The following KIF13B variants were observed in gnomAD, a reference collection of about 807,000 sequenced individuals.
KIF13B encodes the protein kinesin-like protein KIF13B.
In KIF13B, 127 loss-of-function variants were observed where a neutral mutation model predicts 222.0. The ratio of observed to expected loss-of-function variants is 0.57; its 90% CI spans 0.50 to 0.66. The LOEUF is 0.66. Ranked by LOEUF, KIF13B falls within the 30% of genes least tolerant of loss-of-function variation. KIF13B has a pLI of 0.00. For missense variants in KIF13B, 2,173 were observed against 2,379.0 expected (o/e 0.91, Z 1.80); for synonymous variants, 976 against 919.0 (o/e 1.06, Z -1.12).
At chr8:29,118,577 C>T (rs191313999) in intron 30 of KIF13B, among the ~76,000 whole-genome samples, 154 of 152,266 alleles carry the variant, frequency 1.0e-3, no homozygotes, top group African/African-American at 3.6e-3. Flanking sequence ...GCAGCCCCTG[C>T]TTCCATCTCT....
chr8:29,238,149 C>T (rs1412627475), intron 2 of KIF13B, among the ~76,000 whole-genome samples: 1 of 152,154 alleles, frequency 6.6e-6, no homozygotes, highest in Non-Finnish European at 1.5e-5. Flanking sequence ...CAATTAAAAT[C>T]GCTATTTAAA....
intron 2 of KIF13B, among the ~76,000 whole-genome samples, chr8:29,224,620 G>A (rs1159853470): frequency 6.6e-6 from 1 of 152,046 alleles, no homozygotes; most frequent in Admixed American, 6.5e-5. Flanking sequence ...GTAAGTTACT[G>A]AGAAATAAAA....
intron 1 of KIF13B, among the ~76,000 whole-genome samples, chr8:29,258,919 T>A (rs1033821830): frequency 6.6e-6 from 1 of 152,212 alleles, no homozygotes; most frequent in Non-Finnish European, 1.5e-5. Flanking sequence ...TAAAGCATGC[T>A]TTAAGAAACT....
intron 1 of KIF13B, among the ~76,000 whole-genome samples, chr8:29,257,180 T>C (rs537622672): frequency 7.9e-5 from 12 of 152,346 alleles, no homozygotes; most frequent in South Asian, 4.1e-4. Flanking sequence ...TCAACACTGT[T>C]GAAATGAATG....
At chr8:29,224,836 T>C (rs1814947735) in intron 2 of KIF13B, among the ~76,000 whole-genome samples, 1 of 152,236 alleles carries the variant, frequency 6.6e-6, no homozygotes, top group Non-Finnish European at 1.5e-5. Flanking sequence ...TGCATCTATA[T>C]CACTTTTTTG....
At chr8:29,222,348 C>G (rs764762771) in intron 2 of KIF13B, among the ~76,000 whole-genome samples, 3 of 151,966 alleles carry the variant, frequency 2.0e-5, no homozygotes, top group Non-Finnish European at 4.4e-5. Flanking sequence ...GACAGCAAGA[C>G]CCCGTCTCAA....
chr8:29,174,245 T>G lies in KIF13B; in HGVS notation c.945+1823A>C, dbSNP rs535751363. Among the ~76,000 whole-genome samples the G allele has an allele frequency of 2.9e-4, 44 of 152,296 alleles. 1 individual carries two copies. In the South Asian group the frequency reaches 8.7e-3, roughly 30 times the overall value. On this transcript the variant is annotated intron_variant, in intron 10 of 39. Transcript: ENST00000524189. ...ATAACTGCAAGTTTGTTCACTAATT[T>G]TTTAAAGAAACCTATTTACTCTATG...
intron 1 of KIF13B, among the ~76,000 whole-genome samples, chr8:29,251,201 C>A (rs1161025697): frequency 2.6e-5 from 4 of 152,036 alleles, no homozygotes; most frequent in African/African-American, 4.8e-5. Flanking sequence ...CAAATTTAAG[C>A]CTTAAATTTA....
chr8:29,165,374 C>A (rs565723325), intron 12 of KIF13B, among the ~76,000 whole-genome samples: 1 of 151,858 alleles, frequency 6.6e-6, no homozygotes, highest in Non-Finnish European at 1.5e-5. Flanking sequence ...TAATAGAATG[C>A]GGTGTTAAGA....
In KIF13B at chr8:29,132,371, C is replaced by T. The variant is rs746767801; in HGVS notation, c.2879G>A (p.Arg960Gln). The T allele has an allele frequency of 5.0e-5, 79 of 1,592,242 alleles. No individual in the cohort carries two copies. Among genetic ancestry groups the T allele is most frequent in the Middle Eastern group, 1.7e-4 (1 of 5,992 alleles). ...EVYGHKINDP[R>Q]KNPALWDLGI... ...CAAATCCCACAGGGCGGGGTTTTTCCGGGGATCGTTTATTTTATGTCCATA... is the reference window on the plus strand; with the variant it reads ...CAAATCCCACAGGGCGGGGTTTTTCTGGGGATCGTTTATTTTATGTCCATA... The change falls in exon 23 of 40, where the codon CGG becomes CAG. Residue 960 changes from arginine to glutamine, a missense_variant. Arg to Gln is a conservative substitution (Grantham distance 43). Around this residue, in one of 2 missense-constraint regions of KIF13B, gnomAD observed 1,480 missense variants for 1,722.8 expected, o/e 0.86. Transcript: ENST00000524189.
At chr8:29,105,353 G>A (rs1162270012) in intron 35 of KIF13B, among the ~76,000 whole-genome samples, 1 of 152,170 alleles carries the variant, frequency 6.6e-6, no homozygotes, top group Non-Finnish European at 1.5e-5. Flanking sequence ...CGTTCACACA[G>A]ATCCTTCTGC....
chr8:29,242,489 G>T lies in KIF13B; in HGVS notation c.149+2857C>A, dbSNP rs374563569. Among the ~76,000 whole-genome samples the T allele has an allele frequency of 2.0e-5, 3 of 152,322 alleles. 1 individual carries two copies. The highest frequency in any genetic ancestry group is 7.2e-5 in the African/African-American group (3 of 41,572). On this transcript the variant is annotated intron_variant, in intron 2 of 39. Transcript: ENST00000524189. Reference sequence around the variant, plus strand: ...AGAAATATACTGCTGACAAAGATTTGGAAAATCCCAAGAACCGATCTAGAA... The same window carrying T: ...AGAAATATACTGCTGACAAAGATTTTGAAAATCCCAAGAACCGATCTAGAA...
intron 19 of KIF13B, 41 bp from the exon 20 acceptor site, chr8:29,140,658 T>C: frequency 6.4e-7 from 1 of 1,574,456 alleles, no homozygotes; most frequent in Non-Finnish European, 8.7e-7. Context: ...GAAAAACCAT[T>C]TACAATAAAT....
chr8:29,257,921 A>G (rs1017091495), intron 1 of KIF13B, among the ~76,000 whole-genome samples: 1 of 152,230 alleles, frequency 6.6e-6, no homozygotes, highest in Non-Finnish European at 1.5e-5. Context: ...CTCTGGCCCT[A>G]TGTGCATATA....
intron 1 of KIF13B, among the ~76,000 whole-genome samples, chr8:29,259,737 T>A (rs1362896839): frequency 1.3e-5 from 2 of 152,222 alleles, no homozygotes; most frequent in Admixed American, 6.5e-5. Context: ...TGAATGGGTG[T>A]TCTGTGCGGC....
At chr8:29,258,469 G>A (rs1476603266) in intron 1 of KIF13B, among the ~76,000 whole-genome samples, 1 of 152,154 alleles carries the variant, frequency 6.6e-6, no homozygotes, top group African/African-American at 2.4e-5. Context: ...CAGAGTGCGT[G>A]GACCAGCCAC....
At chr8:29,089,784 C>T (rs1284496806) in intron 37 of KIF13B, among the ~76,000 whole-genome samples, 9 of 150,860 alleles carry the variant, frequency 6.0e-5, no homozygotes, top group Non-Finnish European at 1.3e-4. Flanking sequence ...ATCCCAGCTA[C>T]TCAGGAGGAG....
intron 13 of KIF13B, among the ~76,000 whole-genome samples, chr8:29,159,960 C>G (rs1811700967): frequency 6.6e-6 from 1 of 152,212 alleles, no homozygotes; most frequent in African/African-American, 2.4e-5. Flanking sequence ...TCATTAAACC[C>G]ACACATGTGA....
intron 2 of KIF13B, among the ~76,000 whole-genome samples, chr8:29,235,083 T>C (rs1815448052): frequency 6.6e-6 from 1 of 152,166 alleles, no homozygotes; most frequent in African/African-American, 2.4e-5. Context: ...TTCTTCCCAA[T>C]GGAAATTTAT....
Sources: gnomAD v4.1 joint callset for allele counts (sites outside exome capture counted in the v4.1 genomes callset) on GRCh38, gnomAD v4.1.1 for gene constraint, gnomAD v4.1.1 regional missense constraint, MANE v1.5 for transcripts, NCBI Gene and HGNC (gene_info 2026-07-23, HGNC 2026-07-21) for gene names.